IGF1R: variants seen among roughly 807,000 people sequenced by gnomAD.
IGF1R encodes insulin like growth factor 1 receptor.
IGF1R carries 44 observed loss-of-function variants against 144.6 expected under a neutral mutation model. The ratio of observed to expected loss-of-function variants is 0.30; its 90% CI spans 0.24 to 0.39. The LOEUF is 0.39. Among genes scored for constraint, IGF1R ranks in the 10% least tolerant of loss-of-function variants. IGF1R has a pLI of 1.00. For synonymous variants in IGF1R, 795 were observed against 722.8 expected, an observed-to-expected ratio of 1.10 and a Z score of -1.60; for missense variants, 1,355 against 1,833.7, an observed-to-expected ratio of 0.74 and a Z score of 4.77.
chr15:98,675,095 T>C (rs1053721460), intron 1 of IGF1R, among the ~76,000 whole-genome samples: 2 of 150,466 alleles, frequency 1.3e-5, no homozygotes, highest in African/African-American at 4.9e-5. Flanking sequence ...TTAAAGCAAT[T>C]ATTCTGCCTC....
At chr15:98,821,771 A>C (rs1012749249) in intron 2 of IGF1R, among the ~76,000 whole-genome samples, 1 of 152,218 alleles carries the variant, frequency 6.6e-6, no homozygotes, top group Admixed American at 6.5e-5. Context: ...GGAATAGAGT[A>C]CCTGGGGCTC....
At chr15:98,900,999 G>A (rs546648539) in intron 5 of IGF1R, among the ~76,000 whole-genome samples, 241 of 152,184 alleles carry the variant, frequency 1.6e-3, no homozygotes, top group African/African-American at 5.6e-3. Context: ...TTTCCATTAG[G>A]AATTATTATG....
rs1471947047 is a variant in IGF1R at position 98,891,159 on chromosome 15, C to CTA, written c.641-166_641-165insTA. Among the ~76,000 whole-genome samples the CTA allele has an allele frequency of 1.3e-5, 2 of 152,176 alleles. No homozygotes were observed. Among genetic ancestry groups the CTA allele is most frequent in the Non-Finnish European group, 2.9e-5 (2 of 68,016 alleles). The stretch of plus-strand genomic sequence containing the variant: ...CTGCAGGTCTAAGTGGATGAAAGGA[C>CTA]AGTGGTGGGGGTGAGGATTTCGTAG... On this transcript the variant is annotated intron_variant, in intron 2 of 20. Transcript: ENST00000650285. This position sits in a 1 kb window ranked among gnomAD's most constrained non-coding sequence, Gnocchi z 4.7.
intron 2 of IGF1R, among the ~76,000 whole-genome samples, chr15:98,870,048 GAAGA>G (rs1226635333): frequency 1.3e-5 from 2 of 152,222 alleles, no homozygotes; most frequent in African/African-American, 4.8e-5. Context: ...TACACTAGTG[GAAGA>G]GAGAGAGGCA....
intron 5 of IGF1R, among the ~76,000 whole-genome samples, chr15:98,906,204 G>C (rs894420068): frequency 6.6e-6 from 1 of 152,196 alleles, no homozygotes; most frequent in Non-Finnish European, 1.5e-5. Flanking sequence ...TCCTCCCGTG[G>C]GGGAGAAGAA....
chr15:98,911,391 G>A lies in IGF1R; in HGVS notation c.1539G>A (p.Arg513=), dbSNP rs143258341. The change falls in exon 7 of 21, where the codon CGG becomes CGA. Residue 513 remains arginine (R), a synonymous_variant. Coordinates refer to ENST00000650285, the MANE Select transcript of IGF1R (RefSeq NM_000875.5). The stretch of plus-strand genomic sequence containing the variant: ...TCATCATAACCTGGCACCGGTACCG[G>A]CCCCCTGACTACAGGGATCTCATCA... ...NRIIITWHRY[R]PPDYRDLISF... 3 of 1,614,032 alleles carry A rather than the reference G, an allele frequency of 1.9e-6. No individual in the cohort carries two copies. In the African/African-American group the frequency reaches 4.0e-5, roughly 22 times the overall value.
Position 98,890,559 on chromosome 15 carries a change from C to A in IGF1R, c.641-766C>A, listed in dbSNP as rs1439057474. ...CTCTGTGTATGGAGTAGCCATTCTT[C>A]TGTTCCTTTACTTTCCTAATCAGCT... On this transcript the variant is annotated intron_variant, in intron 2 of 20. Coordinates refer to ENST00000650285, the MANE Select transcript of IGF1R (RefSeq NM_000875.5). 2.6e-5 allele frequency: 4 copies of A among 152,756 alleles called. No homozygotes were observed. The East Asian group carries it at 5.8e-4, about 22-fold the overall frequency. The allele number at this position is 152,756 out of a possible 1,614,324, so 9.5% of individuals were successfully genotyped here.
intron 2 of IGF1R, among the ~76,000 whole-genome samples, chr15:98,835,779 C>T (rs1413509862): frequency 6.6e-6 from 1 of 152,160 alleles, no homozygotes; most frequent in Admixed American, 6.5e-5. Context: ...AATGAAGCCT[C>T]TGCATCCTTC....
rs1485073226 is a variant in IGF1R at position 98,648,845 on chromosome 15, A to C, written c.-737A>C. The C allele has an allele frequency of 2.8e-5, 4 of 145,408 alleles. No homozygotes were observed. In the Middle Eastern group the frequency reaches 0.011, roughly 404 times the overall value. 9.0% of individuals were successfully genotyped at this position (145,408 alleles called of 1,614,324 possible). On this transcript the variant is annotated 5_prime_UTR_variant, in exon 1 of 21. Coordinates refer to ENST00000650285, the MANE Select transcript of IGF1R (RefSeq NM_000875.5). Reference sequence around the variant, plus strand: ...GCGAGCCGGAGCCCCCGCGCAGAGCAGGCGGCGGCGGGCGGGGGCCGGGCG... The same window carrying C: ...GCGAGCCGGAGCCCCCGCGCAGAGCCGGCGGCGGCGGGCGGGGGCCGGGCG...
intron 2 of IGF1R, among the ~76,000 whole-genome samples, chr15:98,790,928 G>T (rs923426676): frequency 7.2e-5 from 11 of 152,156 alleles, no homozygotes; most frequent in African/African-American, 2.4e-4. Flanking sequence ...TAATCAAAAA[G>T]ATCACTTTCT....
intron 1 of IGF1R, among the ~76,000 whole-genome samples, chr15:98,694,692 T>A (rs543425066): frequency 6.6e-6 from 1 of 152,318 alleles, no homozygotes; most frequent in East Asian, 1.9e-4. Context: ...GAGAAAAAAA[T>A]GTACTTCTCA....
chr15:98,731,111 C>T (rs556738955), intron 2 of IGF1R, among the ~76,000 whole-genome samples: 2 of 152,176 alleles, frequency 1.3e-5, no homozygotes, highest in African/African-American at 4.8e-5. Context: ...ACTGTTGTGG[C>T]CTGGTGCCTG....
At chr15:98,751,070 C>T (rs1307369684) in intron 2 of IGF1R, among the ~76,000 whole-genome samples, 3 of 152,136 alleles carry the variant, frequency 2.0e-5, no homozygotes, top group East Asian at 1.9e-4. Flanking sequence ...GGATTACAGG[C>T]GTGAGCCATC....
At chr15:98,954,061 C>G (rs979838679) in intron 20 of IGF1R, 1 of 152,226 alleles carries the variant, frequency 6.6e-6, no homozygotes. Context: ...GCGTCGGCAC[C>G]GGGCTGGGGC....
rs114313535 is a variant in IGF1R at position 98,745,630 on chromosome 15, T to C, written c.640+37523T>C. ...GAGTGAAAAAAAAATCTTTGAGGAA[T>C]TGAAGATTTCTTTATGAAAGATGGC... On this transcript the variant is annotated intron_variant, in intron 2 of 20. Coordinates refer to ENST00000650285, the MANE Select transcript of IGF1R (RefSeq NM_000875.5). Among the ~76,000 whole-genome samples the C allele has an allele frequency of 5.3e-3, 812 of 152,370 alleles. 5 individuals carry two copies. Among genetic ancestry groups the C allele is most frequent in the African/African-American group, 0.019 (784 of 41,590 alleles).
chr15:98,876,298 G>T (rs369390377), intron 2 of IGF1R, among the ~76,000 whole-genome samples: 2 of 141,466 alleles, frequency 1.4e-5, no homozygotes, highest in African/African-American at 2.6e-5. Context: ...TACAAAAAAA[G>T]AAAACTATTA....
At chr15:98,686,789 G>A (rs551539867) in intron 1 of IGF1R, among the ~76,000 whole-genome samples, 8 of 151,830 alleles carry the variant, frequency 5.3e-5, no homozygotes, top group Non-Finnish European at 7.4e-5. Flanking sequence ...TCCCACCTAC[G>A]CTTCCTCAAT....
rs548797325 is a variant in IGF1R, at chr15:98,688,677, A to C, written c.95-18885A>C. Among the ~76,000 whole-genome samples, 10 of 152,060 alleles carry C rather than the reference A, an allele frequency of 6.6e-5. No individual in the cohort carries two copies. In the East Asian group the frequency reaches 1.9e-3, roughly 29 times the overall value. ...CCTCATTTTTTTTTTTAAATCTGTA[A>C]AATGGTATCACAGATGCTTATAGCT... On this transcript the variant is annotated intron_variant, in intron 1 of 20. Coordinates refer to ENST00000650285, the MANE Select transcript of IGF1R (RefSeq NM_000875.5).
At chr15:98,851,566 G>A (rs554933600) in intron 2 of IGF1R, among the ~76,000 whole-genome samples, 1 of 151,980 alleles carries the variant, frequency 6.6e-6, no homozygotes, top group South Asian at 2.1e-4. Flanking sequence ...TCTGGACTCT[G>A]GCTCAGGACC....
Sources: gnomAD v4.1 joint callset for allele counts (sites outside exome capture counted in the v4.1 genomes callset) on GRCh38, gnomAD v4.1.1 for gene constraint, Gnocchi (gnomAD v3.1) non-coding constraint, MANE v1.5 for transcripts, NCBI Gene and HGNC (gene_info 2026-07-23, HGNC 2026-07-21) for gene names.